HS3ST5: variants seen among roughly 807,000 people sequenced by gnomAD.
HS3ST5 encodes heparan sulfate-glucosamine 3-sulfotransferase 5.
Under a neutral mutation model 25.4 loss-of-function variants are expected in HS3ST5, and 10 were observed. The observed-to-expected ratio is 0.39, with a 90% CI of 0.24 to 0.67. The LOEUF is 0.67. Among genes scored for constraint, HS3ST5 ranks in the 30% least tolerant of loss-of-function variants. The pLI, the probability that HS3ST5 is intolerant of heterozygous loss-of-function variation, is 0.44. For missense variants in HS3ST5, 324 were observed against 420.7 expected, an observed-to-expected ratio of 0.77 and a Z score of 2.01; for synonymous variants, 170 against 162.4, an observed-to-expected ratio of 1.05 and a Z score of -0.36.
At chr6:114,217,985 G>A (rs891877977) in intron 2 of HS3ST5, among the ~76,000 whole-genome samples, 8 of 152,094 alleles carry the variant, frequency 5.3e-5, no homozygotes, top group East Asian at 1.9e-4. Context: ...AACTACATAC[G>A]TATTTCTTCT....
chr6:114,238,030 C>G (rs895197841), intron 1 of HS3ST5, among the ~76,000 whole-genome samples: 1 of 152,158 alleles, frequency 6.6e-6, no homozygotes, highest in African/African-American at 2.4e-5. Flanking sequence ...AATTCATCTA[C>G]TTTAAACATA....
chr6:114,073,197 A>C (rs1167864282), intron 3 of HS3ST5, among the ~76,000 whole-genome samples: 1 of 152,162 alleles, frequency 6.6e-6, no homozygotes, highest in Non-Finnish European at 1.5e-5. Context: ...CCTAGAAGAA[A>C]ACCTAGGCGA....
rs544484038 is a variant in HS3ST5, at chr6:114,087,387, C to T, written c.-32-24510G>A. 3.3e-5 allele frequency among the ~76,000 whole-genome samples: 5 copies of T among 152,234 alleles called. No homozygotes were observed. In the South Asian group the frequency reaches 1.0e-3, roughly 32 times the overall value. On this transcript the variant is annotated intron_variant, in intron 3 of 4. Transcript: ENST00000312719. ...TCACTTGCCCCATTTCTTGATTTTT[C>T]CAGGCAGAATTGGATAGTTCCTATT...
At position 114,117,113 on chromosome 6, in the gene HS3ST5, A is replaced by G. The variant is rs559924077; in HGVS notation, c.-33+51238T>C. On this transcript the variant is annotated intron_variant, in intron 3 of 4. Coordinates refer to ENST00000312719, the MANE Select transcript of HS3ST5 (RefSeq NM_153612.4). Reference sequence around the variant, plus strand: ...ATTCCGGCTGAATCCTCTGGTGGAAAATAACTAATTAATTAACTGAATTAA... The same window carrying G: ...ATTCCGGCTGAATCCTCTGGTGGAAGATAACTAATTAATTAACTGAATTAA... Among the ~76,000 whole-genome samples the G allele has an allele frequency of 5.9e-5, 9 of 152,262 alleles. 1 individual carries two copies. In the South Asian group the frequency reaches 1.9e-3, roughly 32 times the overall value.
At chr6:114,153,327 C>T (rs1778547162) in intron 3 of HS3ST5, among the ~76,000 whole-genome samples, 1 of 152,168 alleles carries the variant, frequency 6.6e-6, no homozygotes, top group Non-Finnish European at 1.5e-5. Context: ...CAGTAATCCC[C>T]ATTAAATAAC....
chr6:114,249,633 T>C (rs1388642778), intron 1 of HS3ST5, among the ~76,000 whole-genome samples: 1 of 152,126 alleles, frequency 6.6e-6, no homozygotes, highest in African/African-American at 2.4e-5. Flanking sequence ...CCCAGGGGTG[T>C]TGTGCATCCA....
chr6:114,308,886 T>C (rs1295829770), intron 1 of HS3ST5, among the ~76,000 whole-genome samples: 1 of 152,180 alleles, frequency 6.6e-6, no homozygotes, highest in Non-Finnish European at 1.5e-5. Context: ...ACAGTTGTCC[T>C]TGATGGCAGG....
At position 114,057,005 on chromosome 6, in the gene HS3ST5, C is replaced by A; in HGVS notation, c.*252G>T. The stretch of plus-strand genomic sequence containing the variant: ...CTTTGAGAATAGCTGAAGTCACTTT[C>A]CCCCAATACCACCACCTCTTCTCTT... On this transcript the variant is annotated 3_prime_UTR_variant, in exon 5 of 5. Coordinates refer to ENST00000312719, the MANE Select transcript of HS3ST5 (RefSeq NM_153612.4). The A allele has an allele frequency of 2.7e-6, 1 of 375,346 alleles. No homozygotes were observed. The highest frequency in any genetic ancestry group is 8.5e-5 in the South Asian group (1 of 11,806). The allele number at this position is 375,346 out of a possible 1,614,324, so 23.3% of individuals were successfully genotyped here.
intron 3 of HS3ST5, among the ~76,000 whole-genome samples, chr6:114,065,166 A>T (rs1383450509): frequency 6.6e-6 from 1 of 152,230 alleles, no homozygotes; most frequent in African/African-American, 2.4e-5. Flanking sequence ...GAAATTCTCA[A>T]AAACCCTATA....
chr6:114,326,845 T>A (rs1243975515), intron 1 of HS3ST5, among the ~76,000 whole-genome samples: 2 of 152,182 alleles, frequency 1.3e-5, no homozygotes, highest in Non-Finnish European at 2.9e-5. Flanking sequence ...GAATCTTCTA[T>A]TCTAAAGCAC....
intron 1 of HS3ST5, among the ~76,000 whole-genome samples, chr6:114,329,319 A>G (rs1304070489): frequency 6.6e-6 from 1 of 152,210 alleles, no homozygotes; most frequent in Non-Finnish European, 1.5e-5. Context: ...AAAGAAATTC[A>G]TGGTGTTTGC....
chr6:114,148,132 A>T (rs1388974847), intron 3 of HS3ST5, among the ~76,000 whole-genome samples: 4 of 152,176 alleles, frequency 2.6e-5, no homozygotes, highest in African/African-American at 9.7e-5. Context: ...AACACCACAC[A>T]TCTACAACCA....
At chr6:114,178,725 A>G (rs1311264292) in intron 2 of HS3ST5, 1 of 152,214 alleles carries the variant, frequency 6.6e-6, no homozygotes, top group African/African-American at 2.4e-5. Context: ...ATCAAGGTAT[A>G]CTTCTGTTTA....
At chr6:114,133,227 G>A (rs75710978) in intron 3 of HS3ST5, among the ~76,000 whole-genome samples, 8,813 of 152,116 alleles carry the variant, frequency 0.058, 307 homozygotes, top group Non-Finnish European at 0.08. Flanking sequence ...CCAGTTCTCC[G>A]TTTTCCTCCC....
chr6:114,341,349 GC>G, intron 1 of HS3ST5, among the ~76,000 whole-genome samples: 1 of 152,008 alleles, frequency 6.6e-6, no homozygotes, highest in Non-Finnish European at 1.5e-5. Context: ...AAGTAGGGAA[GC>G]GGAAGAGTAG....
intron 1 of HS3ST5, among the ~76,000 whole-genome samples, chr6:114,288,749 G>A (rs1486033067): frequency 1.1e-4 from 17 of 152,060 alleles, no homozygotes; most frequent in Non-Finnish European, 1.5e-5. Flanking sequence ...GCTTGCCTTT[G>A]TTGCCATTCC....
intron 2 of HS3ST5, among the ~76,000 whole-genome samples, chr6:114,178,123 A>G (rs1582685569): frequency 1.3e-5 from 2 of 152,210 alleles, no homozygotes; most frequent in Admixed American, 6.5e-5. Flanking sequence ...ACTGATACCA[A>G]TGCTTCCCTT....
chr6:114,169,041 GA>G lies in HS3ST5; in HGVS notation c.-144-580del, dbSNP rs1308256327. On this transcript the variant is annotated intron_variant, in intron 2 of 4. Transcript: ENST00000312719. ...AACTAAAGTGTTGTATTAGTGGGAT[GA>G]AAAAAAAGAAAGAGATGAGAAAAAT... 4.0e-5 allele frequency among the ~76,000 whole-genome samples: 6 copies of G among 151,728 alleles called. No individual in the cohort carries two copies. The East Asian group carries it at 5.8e-4, about 15-fold the overall frequency.
chr6:114,251,696 T>A (rs1310339739), intron 1 of HS3ST5: 1 of 152,202 alleles, frequency 6.6e-6, no homozygotes, highest in Non-Finnish European at 1.5e-5. Context: ...AAATTTCAAA[T>A]TGTTTTGTGC....
Sources: allele counts gnomAD v4.1 joint callset (sites outside exome capture counted in the v4.1 genomes callset), GRCh38; gene constraint gnomAD v4.1.1; transcripts MANE v1.5; gene names NCBI Gene and HGNC (gene_info 2026-07-23, HGNC 2026-07-21).